Variants in MED13L observed in about 807,000 individuals in gnomAD.
MED13L encodes mediator of RNA polymerase II transcription subunit 13-like.
Under a neutral mutation model 220.9 loss-of-function variants are expected in MED13L, and 7 were observed. The ratio of observed to expected loss-of-function variants is 0.03; its 90% CI spans 0.02 to 0.06. The LOEUF (loss-of-function observed/expected upper bound fraction) is 0.06, where lower values mean the gene tolerates loss of function less well. Among genes scored for constraint, MED13L ranks in the 10% least tolerant of loss-of-function variants. The pLI, the probability that MED13L is intolerant of heterozygous loss-of-function variation, is 1.00. For synonymous variants in MED13L, 1,011 were observed against 1,015.2 expected, an observed-to-expected ratio of 1.00 and a Z score of 0.08; for missense variants, 1,965 against 2,760.5, an observed-to-expected ratio of 0.71 and a Z score of 6.46.
At chr12:116,269,821 G>A (rs1873138685) in intron 1 of MED13L, among the ~76,000 whole-genome samples, 1 of 152,168 alleles carries the variant, frequency 6.6e-6, no homozygotes, top group Non-Finnish European at 1.5e-5. Context: ...CATCTAGAAT[G>A]AGAAATAAAC....
intron 2 of MED13L, among the ~76,000 whole-genome samples, chr12:116,236,125 A>G (rs960686523): frequency 2.6e-5 from 4 of 152,210 alleles, no homozygotes; most frequent in African/African-American, 9.6e-5. Context: ...CTGAAACTCT[A>G]ATTTTACCTA....
At chr12:115,968,631 A>C (rs1876365623) in intron 28 of MED13L, among the ~76,000 whole-genome samples, 1 of 152,238 alleles carries the variant, frequency 6.6e-6, no homozygotes, top group Non-Finnish European at 1.5e-5. Flanking sequence ...AACCATTAAA[A>C]AACTGGGAAG....
chr12:116,164,767 A>C (rs1275270528), intron 2 of MED13L, among the ~76,000 whole-genome samples: 2 of 152,250 alleles, frequency 1.3e-5, no homozygotes, highest in African/African-American at 4.8e-5. Context: ...GAAAGCACCA[A>C]GAAACAGATG....
Position 116,130,852 on chromosome 12 carries a change from T to TA in MED13L, c.311-19341dup, listed in dbSNP as rs34602030. On this transcript the variant is annotated intron_variant, in intron 2 of 30. Coordinates refer to ENST00000281928, the MANE Select transcript of MED13L (RefSeq NM_015335.5). ...GCTCTGAACAAGTATCTAAGCCATTTAAAAAAAAAAAACCTTAAAACTGAG... is the reference window on the plus strand; with the variant it reads ...GCTCTGAACAAGTATCTAAGCCATTTAAAAAAAAAAAAACCTTAAAACTGAG... Among the ~76,000 whole-genome samples the TA allele has an allele frequency of 3.7e-4, 56 of 149,644 alleles. 1 individual carries two copies. Among genetic ancestry groups the TA allele is most frequent in the Admixed American group, 2.3e-3 (34 of 15,034 alleles).
At chr12:116,004,137 T>C (rs1446356559) in intron 13 of MED13L, among the ~76,000 whole-genome samples, 4 of 152,142 alleles carry the variant, frequency 2.6e-5, no homozygotes, top group African/African-American at 2.4e-5. Context: ...CATGAACAGA[T>C]CAGGCAGGCC....
At chr12:116,068,807 T>C (rs1039696182) in intron 4 of MED13L, among the ~76,000 whole-genome samples, 1 of 145,522 alleles carries the variant, frequency 6.9e-6, no homozygotes, top group East Asian at 2.0e-4. Context: ...CTGTTCTTGT[T>C]GTGTACAACC....
chr12:116,165,706 C>T (rs1187028686), intron 2 of MED13L, among the ~76,000 whole-genome samples: 1 of 152,156 alleles, frequency 6.6e-6, no homozygotes, highest in Non-Finnish European at 1.5e-5. Context: ...ATTCCTGTCT[C>T]GTTGCCCAAC....
intron 23 of MED13L, among the ~76,000 whole-genome samples, chr12:115,980,253 C>T (rs942355047): frequency 3.9e-5 from 6 of 152,302 alleles, no homozygotes; most frequent in African/African-American, 1.4e-4. Context: ...ATTTGCTTGC[C>T]TCTCTTCTCA....
At chr12:116,175,513 T>C (rs532790977) in intron 2 of MED13L, among the ~76,000 whole-genome samples, 8 of 152,360 alleles carry the variant, frequency 5.3e-5, no homozygotes, top group African/African-American at 1.9e-4. Flanking sequence ...GAGAAGTTTC[T>C]ACTTTTCTAA....
At chr12:116,113,484 A>T (rs74420242) in intron 2 of MED13L, among the ~76,000 whole-genome samples, 21,890 of 146,358 alleles carry the variant, frequency 0.15, 1,833 homozygotes, top group Middle Eastern at 0.21. Context: ...AAAAAAAAAA[A>T]AAATTATATA....
At chr12:116,253,272 C>CA (rs60443236) in intron 1 of MED13L, among the ~76,000 whole-genome samples, 839 of 79,672 alleles carry the variant, frequency 0.011, 10 homozygotes, top group Middle Eastern at 0.018. Flanking sequence ...AACTCCATCT[C>CA]AAAAAAAAAA....
At chr12:116,031,709 A>AGGAAAAGAAAAG (rs200153892) in intron 4 of MED13L, among the ~76,000 whole-genome samples, 1 of 57,086 alleles carries the variant, frequency 1.8e-5, no homozygotes, top group Non-Finnish European at 3.4e-5. Context: ...AGAAAAGAAA[A>AGGAAAAGAAAAG]GAAAAGAAAA....
chr12:115,969,193 G>C, intron 27 of MED13L, 96 bp from the exon 28 acceptor site: 2 of 1,360,318 alleles, frequency 1.5e-6, no homozygotes, highest in Non-Finnish European at 1.0e-6. Context: ...ATGTTTTGTT[G>C]GCATATGGCT....
chr12:115,974,189 C>A (rs542823003), intron 25 of MED13L, among the ~76,000 whole-genome samples: 4 of 152,278 alleles, frequency 2.6e-5, no homozygotes, highest in Non-Finnish European at 5.9e-5. Context: ...GTTACAACGG[C>A]AGAACTGAAT....
At position 116,269,148 on chromosome 12, in the gene MED13L, T is replaced by C. The variant is rs571291693; in HGVS notation, c.72+7912A>G. On this transcript the variant is annotated intron_variant, in intron 1 of 30. Transcript: ENST00000281928. Reference sequence around the variant, plus strand: ...ATCTCGGCTCACCGCAACCTCCAACTCCCTAGTTCAAGCGATTCTCCTGTC... The same window carrying C: ...ATCTCGGCTCACCGCAACCTCCAACCCCCTAGTTCAAGCGATTCTCCTGTC... 6.8e-4 allele frequency among the ~76,000 whole-genome samples: 103 copies of C among 152,230 alleles called. 1 individual carries two copies. In the Middle Eastern group the frequency reaches 0.01, roughly 15 times the overall value.
chr12:116,029,788 A>G (rs1035651571), intron 4 of MED13L, among the ~76,000 whole-genome samples: 16 of 152,216 alleles, frequency 1.1e-4, no homozygotes, highest in Non-Finnish European at 1.9e-4. Flanking sequence ...TCTAAAATTA[A>G]TAAATATTTT....
chr12:116,047,300 G>A (rs1009642414), intron 4 of MED13L, among the ~76,000 whole-genome samples: 2 of 152,054 alleles, frequency 1.3e-5, no homozygotes, highest in African/African-American at 4.8e-5. Context: ...GCAACAGTGA[G>A]CCACGACTGC....
At chr12:116,265,780 T>C (rs1021435782) in intron 1 of MED13L, among the ~76,000 whole-genome samples, 2 of 152,202 alleles carry the variant, frequency 1.3e-5, no homozygotes, top group African/African-American at 4.8e-5. Flanking sequence ...ACCAGGACCA[T>C]AAATTAGAAG....
chr12:116,221,127 C>T (rs866286504), intron 2 of MED13L, among the ~76,000 whole-genome samples: 67 of 152,106 alleles, frequency 4.4e-4, no homozygotes, highest in East Asian at 1.5e-3. Context: ...GTAATCTCAA[C>T]GCTTTGGGAG....
Sources: gnomAD v4.1 joint callset for allele counts (sites outside exome capture counted in the v4.1 genomes callset) on GRCh38, gnomAD v4.1.1 for gene constraint, MANE v1.5 for transcripts, NCBI Gene and HGNC (gene_info 2026-07-23, HGNC 2026-07-21) for gene names.